The following HDAC4 variants were observed in gnomAD, a reference collection of about 807,000 sequenced individuals.
HDAC4 encodes the protein histone deacetylase 4.
A neutral mutation model predicts 135.1 loss-of-function variants in HDAC4; 16 were observed. That is an observed-to-expected ratio of 0.12 (90% CI 0.08 to 0.18). The LOEUF is 0.18. Ranked by LOEUF, HDAC4 falls within the 10% of genes least tolerant of loss-of-function variation. HDAC4 has a pLI of 1.00. For missense variants in HDAC4, 1,143 were observed against 1,511.8 expected (o/e 0.76, Z 4.05); for synonymous variants, 685 against 653.4 (o/e 1.05, Z -0.74).
chr2:239,280,650 A>G (rs2050653412), intron 2 of HDAC4, among the ~76,000 whole-genome samples: 1 of 152,178 alleles, frequency 6.6e-6, no homozygotes, highest in Non-Finnish European at 1.5e-5. Context: ...GACACCAGGC[A>G]CAACAAAGAT....
chr2:239,290,770 C>T (rs1451254637), intron 2 of HDAC4, among the ~76,000 whole-genome samples: 1 of 152,208 alleles, frequency 6.6e-6, no homozygotes, highest in African/African-American at 2.4e-5. Context: ...ACCACACACG[C>T]TCCCGTGTTT....
chr2:239,111,857 G>A lies in HDAC4; in HGVS notation c.1792-145C>T, dbSNP rs573984067. The A allele has an allele frequency of 3.9e-4, 293 of 751,574 alleles. 1 individual carries two copies. In the African/African-American group the frequency reaches 4.6e-3, roughly 12 times the overall value. The allele number at this position is 751,574 out of a possible 1,614,324, so 46.6% of individuals were successfully genotyped here. On this transcript the variant is annotated intron_variant, in intron 13 of 26. Coordinates refer to ENST00000543185, the MANE Select transcript of HDAC4 (RefSeq NM_001378414.1). Reference sequence around the variant, plus strand: ...AAGGATGCCGGGAGGCCAGCTGCGTGGAGAGGCCTTCCCTGTGAGTGCCCT... The same window carrying A: ...AAGGATGCCGGGAGGCCAGCTGCGTAGAGAGGCCTTCCCTGTGAGTGCCCT...
At chr2:239,053,389 C>G in intron 26 of HDAC4, 71 bp downstream of exon 26, 1 of 1,572,930 alleles carries the variant, frequency 6.4e-7, no homozygotes, top group Non-Finnish European at 8.7e-7. Flanking sequence ...AGGTTCTGAC[C>G]CTGAATAGTG....
rs904423219 is a variant in HDAC4, at chr2:239,308,911, C to T, written c.22+43767G>A. 1.3e-5 allele frequency among the ~76,000 whole-genome samples: 2 copies of T among 152,184 alleles called. No individual in the cohort carries two copies. The highest frequency in any genetic ancestry group is 2.4e-5 in the African/African-American group (1 of 41,448). On this transcript the variant is annotated intron_variant, in intron 2 of 26. Coordinates refer to ENST00000543185, the MANE Select transcript of HDAC4 (RefSeq NM_001378414.1). This position sits in a 1 kb window ranked among gnomAD's most constrained non-coding sequence, Gnocchi z 4.2. The stretch of plus-strand genomic sequence containing the variant: ...AGCCCTCGGAAGCACGCTGCAGGCC[C>T]CTGGAGGTGCCACAGTGCTCCCAGC...
intron 2 of HDAC4, among the ~76,000 whole-genome samples, chr2:239,286,805 T>A (rs1267558909): frequency 6.6e-6 from 1 of 151,686 alleles, no homozygotes; most frequent in African/African-American, 2.4e-5. Flanking sequence ...ACACCAAACG[T>A]GATGAAAGGA....
Position 239,163,805 on chromosome 2 carries a change from G to A in HDAC4, c.609C>T (p.Tyr203=), listed in dbSNP as rs1269420879. The A allele has an allele frequency of 4.8e-5, 78 of 1,613,948 alleles. No individual in the cohort carries two copies. The highest frequency in any genetic ancestry group is 6.0e-5 in the Non-Finnish European group (71 of 1,179,990). The change falls in exon 6 of 27, where the codon TAC becomes TAT. Residue 203 remains tyrosine, a splice_region_variant and synonymous_variant. Coordinates refer to ENST00000543185, the MANE Select transcript of HDAC4 (RefSeq NM_001378414.1). ...GTGCTCCCCACACCCACACTTACCC[G>A]TACCAGTAGCGAGGGTCGCTGGAAA... ...HCISSDPRYW[Y]GKTQHSSLDQ...
At chr2:239,292,046 C>T (rs1276982042) in intron 2 of HDAC4, among the ~76,000 whole-genome samples, 2 of 151,564 alleles carry the variant, frequency 1.3e-5, no homozygotes, top group African/African-American at 2.4e-5. Flanking sequence ...CCAGCTCAGC[C>T]CAGCTCAGGG....
intron 1 of HDAC4, among the ~76,000 whole-genome samples, chr2:239,399,380 C>T (rs1254509395): frequency 1.3e-5 from 2 of 152,132 alleles, no homozygotes; most frequent in Non-Finnish European, 2.9e-5. Context: ...GCTGAGTTTT[C>T]TTAATTCGAT....
At chr2:239,188,682 T>G (rs917611546) in intron 4 of HDAC4, among the ~76,000 whole-genome samples, 3 of 152,360 alleles carry the variant, frequency 2.0e-5, no homozygotes, top group African/African-American at 7.2e-5. Flanking sequence ...TTGCCAAGAC[T>G]TAGCATGAAC....
chr2:239,161,767 AG>A, intron 6 of HDAC4: 1 of 424,544 alleles, frequency 2.4e-6, no homozygotes, highest in South Asian at 1.7e-5. Context: ...CAGCTCACCC[AG>A]GGAGTTCCAG....
intron 14 of HDAC4, 32 bp from the exon 15 acceptor site, chr2:239,108,215 C>T (rs1274324013): frequency 1.3e-6 from 2 of 1,579,766 alleles, no homozygotes; most frequent in East Asian, 4.7e-5. Context: ...AAGATCAGCG[C>T]ACATCCAGGG....
At chr2:239,293,223 A>T (rs188817264) in intron 2 of HDAC4, among the ~76,000 whole-genome samples, 1 of 152,312 alleles carries the variant, frequency 6.6e-6, no homozygotes, top group East Asian at 1.9e-4. Context: ...TAAACTGGAC[A>T]AGTCTCTTCT....
At chr2:239,370,332 G>A (rs1694515989) in intron 1 of HDAC4, among the ~76,000 whole-genome samples, 1 of 152,148 alleles carries the variant, frequency 6.6e-6, no homozygotes, top group Non-Finnish European at 1.5e-5. Flanking sequence ...ACATGGCTCG[G>A]GGCTCTCCTG....
At chr2:239,207,625 C>A (rs933528092) in intron 3 of HDAC4, among the ~76,000 whole-genome samples, 1 of 152,124 alleles carries the variant, frequency 6.6e-6, no homozygotes, top group African/African-American at 2.4e-5. Flanking sequence ...TTAAAACTTA[C>A]ATGAAGTAGA....
At chr2:239,174,010 G>A (rs1307239401) in intron 5 of HDAC4, among the ~76,000 whole-genome samples, 1 of 152,104 alleles carries the variant, frequency 6.6e-6, no homozygotes, top group East Asian at 1.9e-4. Context: ...AAAATATCAG[G>A]TCTTCCTAAT....
At chr2:239,151,188 T>C (rs2042095768) in intron 7 of HDAC4, among the ~76,000 whole-genome samples, 1 of 152,250 alleles carries the variant, frequency 6.6e-6, no homozygotes, top group Non-Finnish European at 1.5e-5. Flanking sequence ...CTTGTAACTT[T>C]ATTCAGGTCA....
At chr2:239,097,632 T>C (rs539858683) in intron 16 of HDAC4, among the ~76,000 whole-genome samples, 49 of 152,306 alleles carry the variant, frequency 3.2e-4, no homozygotes, top group African/African-American at 1.0e-3. Context: ...GCCGGACCCC[T>C]TTGGGAGGTG....
chr2:239,322,971 G>A (rs559583091), intron 2 of HDAC4, among the ~76,000 whole-genome samples: 4 of 152,172 alleles, frequency 2.6e-5, no homozygotes, highest in Admixed American at 2.0e-4. Flanking sequence ...TGGGGTGCAC[G>A]TGCCACAAAC....
intron 3 of HDAC4, among the ~76,000 whole-genome samples, chr2:239,220,945 C>T (rs1385526056): frequency 6.6e-6 from 1 of 152,152 alleles, no homozygotes; most frequent in Non-Finnish European, 1.5e-5. Context: ...AAGCCAGGGA[C>T]CGACCTTGGT....
Sources: gnomAD v4.1 joint callset for allele counts (sites outside exome capture counted in the v4.1 genomes callset) on GRCh38, gnomAD v4.1.1 for gene constraint, Gnocchi (gnomAD v3.1) non-coding constraint, MANE v1.5 for transcripts, NCBI Gene and HGNC (gene_info 2026-07-23, HGNC 2026-07-21) for gene names.